FOCAD: variants seen among roughly 807,000 people sequenced by gnomAD.
The protein encoded by FOCAD is KIAA1797.
FOCAD carries 198 observed loss-of-function variants against 225.6 expected under a neutral mutation model. That is an observed-to-expected ratio of 0.88 (90% confidence interval 0.78 to 0.99). The LOEUF is 0.99. Ranked by LOEUF, FOCAD falls within the 50% of genes least tolerant of loss-of-function variation. FOCAD has a pLI of 0.00. For synonymous variants in FOCAD, 897 were observed against 755.0 expected, an observed-to-expected ratio of 1.19 and a Z score of -3.08; for missense variants, 2,713 against 2,123.6, an observed-to-expected ratio of 1.28 and a Z score of -5.46.
intron 5 of FOCAD, among the ~76,000 whole-genome samples, 200 bp from the exon 6 acceptor site, chr9:20,757,890 G>A (rs767816810): frequency 6.6e-6 from 1 of 152,166 alleles, no homozygotes; most frequent in African/African-American, 2.4e-5. Context: ...CTGCAAAAAT[G>A]TTAGGAAAAG....
intron 15 of FOCAD, among the ~76,000 whole-genome samples, chr9:20,827,623 A>T (rs1019247714): frequency 6.6e-6 from 1 of 152,056 alleles, no homozygotes; most frequent in Admixed American, 6.6e-5. Flanking sequence ...CTGATAAGTG[A>T]AATAAGACAG....
At chr9:20,918,721 CT>C (rs1225040700) in intron 24 of FOCAD, among the ~76,000 whole-genome samples, 1 of 121,304 alleles carries the variant, frequency 8.2e-6, no homozygotes, top group Non-Finnish European at 1.8e-5. Context: ...GAGACTCCGT[CT>C]CAAAAAAAAA....
At chr9:20,974,716 T>C (rs1840082121) in intron 35 of FOCAD, among the ~76,000 whole-genome samples, 1 of 149,248 alleles carries the variant, frequency 6.7e-6, no homozygotes, top group African/African-American at 2.5e-5. Flanking sequence ...CTTTTTCCTA[T>C]GTTTCTCCTT....
intron 21 of FOCAD, among the ~76,000 whole-genome samples, chr9:20,899,203 G>A (rs1031149534): frequency 6.6e-6 from 1 of 151,910 alleles, no homozygotes; most frequent in African/African-American, 2.4e-5. Flanking sequence ...TCCCTGCTGT[G>A]ATCACAAGGT....
At chr9:20,680,805 T>C (rs564910504), upstream of FOCAD, among the ~76,000 whole-genome samples, 1 of 152,268 alleles carries the variant, frequency 6.6e-6, no homozygotes, top group East Asian at 1.9e-4. Context: ...CATTTCTATA[T>C]ATACATTTAT....
At chr9:20,686,965 T>C (rs947836126) in intron 1 of FOCAD, among the ~76,000 whole-genome samples, 2 of 152,092 alleles carry the variant, frequency 1.3e-5, no homozygotes, top group Non-Finnish European at 2.9e-5. Context: ...AATGTAGTTT[T>C]TGTAACCCTC....
intron 3 of FOCAD, among the ~76,000 whole-genome samples, chr9:20,720,158 A>G (rs527623577): frequency 3.7e-4 from 56 of 152,288 alleles, no homozygotes; most frequent in Non-Finnish European, 6.8e-4. Context: ...TTTTATAGCC[A>G]TGATACCAGG....
intron 21 of FOCAD, among the ~76,000 whole-genome samples, chr9:20,900,406 T>C (rs1339540953): frequency 6.6e-6 from 1 of 151,984 alleles, no homozygotes; most frequent in Non-Finnish European, 1.5e-5. Flanking sequence ...CATTCTTTCT[T>C]CTTTTTTTCA....
intron 41 of FOCAD, among the ~76,000 whole-genome samples, chr9:20,988,721 A>T (rs545291784): frequency 2.0e-4 from 31 of 152,166 alleles, no homozygotes; most frequent in Admixed American, 1.5e-3. Flanking sequence ...TTTTCAACAA[A>T]ATATGTTTCT....
chr9:20,693,397 C>G (rs982011207), intron 1 of FOCAD, among the ~76,000 whole-genome samples: 11 of 152,190 alleles, frequency 7.2e-5, no homozygotes, highest in African/African-American at 2.7e-4. Flanking sequence ...TGTCTATCCT[C>G]CACTCTGGTT....
chr9:20,886,175 TTTAG>T (rs1352575811), intron 21 of FOCAD, among the ~76,000 whole-genome samples: 3 of 151,044 alleles, frequency 2.0e-5, no homozygotes. Context: ...CTTTCATATA[TTTAG>T]TTAGAATTAA....
upstream of FOCAD, among the ~76,000 whole-genome samples, chr9:20,657,248 T>C (rs1821518152): frequency 7.0e-6 from 1 of 143,258 alleles, no homozygotes; most frequent in Non-Finnish European, 1.5e-5. Context: ...ATCTGACAAT[T>C]ATGTGTCTTG....
intron 41 of FOCAD, among the ~76,000 whole-genome samples, chr9:20,989,528 G>T (rs1841469522): frequency 6.6e-6 from 1 of 152,118 alleles, no homozygotes; most frequent in Non-Finnish European, 1.5e-5. Context: ...TGTTTAAAAT[G>T]CATGAAGAAG....
intron 11 of FOCAD, among the ~76,000 whole-genome samples, chr9:20,807,025 C>A (rs926718395): frequency 6.6e-6 from 1 of 152,126 alleles, no homozygotes; most frequent in Non-Finnish European, 1.5e-5. Flanking sequence ...AGTATGTTTT[C>A]CTGTCTTTAA....
At chr9:20,696,406 T>G (rs1474162642) in intron 1 of FOCAD, among the ~76,000 whole-genome samples, 1 of 152,242 alleles carries the variant, frequency 6.6e-6, no homozygotes, top group Non-Finnish European at 1.5e-5. Context: ...TCACACTGTA[T>G]ACATATATCA....
chr9:20,734,197 G>T (rs1373905239), intron 4 of FOCAD, among the ~76,000 whole-genome samples: 2 of 152,056 alleles, frequency 1.3e-5, no homozygotes, highest in Non-Finnish European at 2.9e-5. Context: ...GAGCCCTGGT[G>T]AAAAGTAGGA....
At position 20,990,282 on chromosome 9, in the gene FOCAD, C is replaced by T; in HGVS notation, c.5164C>T (p.His1722Tyr). 1 of 1,614,162 alleles carries T rather than the reference C, an allele frequency of 6.2e-7. No homozygotes were observed. The highest frequency in any genetic ancestry group is 8.5e-7 in the Non-Finnish European group (1 of 1,180,026). Residue 1722 changes from histidine to tyrosine, a missense_variant, in exon 42 of 44, where the codon CAC becomes TAC. Coordinates refer to ENST00000338382, the MANE Select transcript of FOCAD (RefSeq NM_001375567.1). Reference protein sequence around the residue: ...VPSFLGRSPMHRVTLQEVLTL... With the variant: ...VPSFLGRSPMYRVTLQEVLTL... Reference sequence around the variant, plus strand: ...AAGCTTCCTTGGCAGGAGTCCAATGCACAGGGTCACTCTGCAGGAGGTTCT... The same window carrying T: ...AAGCTTCCTTGGCAGGAGTCCAATGTACAGGGTCACTCTGCAGGAGGTTCT...
At chr9:20,846,801 C>T (rs1279928023) in intron 15 of FOCAD, among the ~76,000 whole-genome samples, 3 of 152,104 alleles carry the variant, frequency 2.0e-5, no homozygotes, top group African/African-American at 7.2e-5. Context: ...GTTAATGTAA[C>T]AGAATGTAAT....
In FOCAD at chr9:20,986,316, A is replaced by G; in HGVS notation, c.4757A>G (p.Lys1586Arg). 1 of 1,507,308 alleles carries G rather than the reference A, an allele frequency of 6.6e-7. No individual in the cohort carries two copies. The highest frequency in any genetic ancestry group is 2.7e-5 in the East Asian group (1 of 37,488). The allele number at this position is 1,507,308 out of a possible 1,614,324, so 93.4% of individuals were successfully genotyped here. ...KSNIEKAAFV[K>R]LYLVSQGRFP... is the part of the protein sequence containing the mutation. Reference sequence around the variant, plus strand: ...AACATAGAAAAAGCTGCCTTTGTCAAACTGTACTTAGTCTCTCAAGGACGA... The same window carrying G: ...AACATAGAAAAAGCTGCCTTTGTCAGACTGTACTTAGTCTCTCAAGGACGA... The change falls in exon 40 of 44, where the codon AAA becomes AGA. Residue 1586 changes from lysine to arginine, a missense_variant. Physicochemically the swap from Lys to Arg is conservative, Grantham distance 26 (BLOSUM62 2). Coordinates refer to ENST00000338382, the MANE Select transcript of FOCAD (RefSeq NM_001375567.1).
Sources: allele counts gnomAD v4.1 joint callset (sites outside exome capture counted in the v4.1 genomes callset), GRCh38; gene constraint gnomAD v4.1.1; transcripts MANE v1.5; gene names NCBI Gene and HGNC (gene_info 2026-07-23, HGNC 2026-07-21).